Variants in THEMIS observed in about 807,000 individuals in gnomAD.
The protein encoded by THEMIS is protein THEMIS.
THEMIS carries 37 observed loss-of-function variants against 52.6 expected under a neutral mutation model. That is an observed-to-expected ratio of 0.70 (90% CI 0.54 to 0.93). The LOEUF (loss-of-function observed/expected upper bound fraction) is 0.93, where lower values mean the gene tolerates loss of function less well. Ranked by LOEUF, THEMIS falls within the 40% of genes least tolerant of loss-of-function variation. The pLI is 0.00. For synonymous variants in THEMIS, 292 were observed against 272.7 expected (o/e 1.07, Z -0.70); for missense variants, 808 against 763.1 (o/e 1.06, Z -0.69).
chr6:127,886,945 G>C (rs980198508), intron 1 of THEMIS, among the ~76,000 whole-genome samples: 16 of 152,052 alleles, frequency 1.1e-4, no homozygotes, highest in African/African-American at 3.6e-4. Context: ...GAAAAACAGT[G>C]GAGAAAAGTT....
At chr6:127,769,352 G>GTTTTTTTTTTTT (rs200806423) in intron 4 of THEMIS, among the ~76,000 whole-genome samples, 2 of 139,988 alleles carry the variant, frequency 1.4e-5, no homozygotes, top group Non-Finnish European at 3.1e-5. Flanking sequence ...GTTTTTTTTT[G>GTTTTTTTTTTTT]TTTTTTTTTT....
intron 4 of THEMIS, among the ~76,000 whole-genome samples, chr6:127,810,634 A>G (rs1337909110): frequency 6.6e-6 from 1 of 152,184 alleles, no homozygotes; most frequent in African/African-American, 2.4e-5. Flanking sequence ...GCTCTAAAAC[A>G]ATAAATTTCT....
chr6:127,860,119 G>A (rs550142317), intron 1 of THEMIS, among the ~76,000 whole-genome samples: 1 of 152,200 alleles, frequency 6.6e-6, no homozygotes, highest in African/African-American at 2.4e-5. Flanking sequence ...TTCAAAAGAG[G>A]CCATGGTTGC....
chr6:127,752,902 A>G (rs1028143528), intron 4 of THEMIS, among the ~76,000 whole-genome samples: 5 of 151,902 alleles, frequency 3.3e-5, no homozygotes, highest in Non-Finnish European at 7.4e-5. Flanking sequence ...TATACCTGAT[A>G]AGTGTAAAAA....
chr6:127,771,684 T>G (rs1776389721), intron 4 of THEMIS, among the ~76,000 whole-genome samples: 1 of 152,186 alleles, frequency 6.6e-6, no homozygotes, highest in Admixed American at 6.5e-5. Context: ...AGTTGGAAGT[T>G]AGAACTGTGA....
At chr6:127,716,178 A>C (rs1583191882) in intron 5 of THEMIS, among the ~76,000 whole-genome samples, 1 of 151,944 alleles carries the variant, frequency 6.6e-6, no homozygotes, top group African/African-American at 2.4e-5. Context: ...GAAAACATTT[A>C]TGTTTATGTA....
At chr6:127,748,271 G>A (rs1173979626) in intron 4 of THEMIS, among the ~76,000 whole-genome samples, 3 of 152,082 alleles carry the variant, frequency 2.0e-5, no homozygotes, top group Non-Finnish European at 4.4e-5. Flanking sequence ...TGGTTCAGGA[G>A]TCTGGGAAGT....
chr6:127,755,555 T>C (rs2114358368), intron 4 of THEMIS, among the ~76,000 whole-genome samples: 1 of 152,332 alleles, frequency 6.6e-6, no homozygotes, highest in African/African-American at 2.4e-5. Context: ...TAATTCTGTG[T>C]TGTATAAACA....
At chr6:127,703,606 C>G (rs540510090), downstream of THEMIS, among the ~76,000 whole-genome samples, 1 of 152,240 alleles carries the variant, frequency 6.6e-6, no homozygotes, top group Non-Finnish European at 1.5e-5. Flanking sequence ...GGCCCCATAG[C>G]TTAAGTACCT....
chr6:127,900,702 C>G, intron 1 of THEMIS, 140 bp downstream of exon 1: 1 of 700,898 alleles, frequency 1.4e-6, no homozygotes, highest in East Asian at 2.7e-5. Flanking sequence ...ATTCGTTGGT[C>G]AGTTCATTAC....
intron 1 of THEMIS, among the ~76,000 whole-genome samples, chr6:127,912,384 C>G (rs1310956982): frequency 6.6e-6 from 1 of 152,116 alleles, no homozygotes; most frequent in African/African-American, 2.4e-5. Flanking sequence ...AAAATTGTAA[C>G]TGAGACAGTG....
intron 2 of THEMIS, among the ~76,000 whole-genome samples, chr6:127,851,237 A>T (rs988398721): frequency 5.3e-5 from 8 of 151,650 alleles, no homozygotes; most frequent in Non-Finnish European, 8.9e-5. Context: ...ATATATTTTT[A>T]AAAAATGGCA....
At chr6:127,697,057 TAC>T in the THEMIS span, among the ~76,000 whole-genome samples, 1 of 152,066 alleles carries the variant, frequency 6.6e-6, no homozygotes, top group African/African-American at 2.4e-5. Flanking sequence ...AATTTGTGTC[TAC>T]AGCCTAGACC....
chr6:127,755,634 C>T (rs1389548890), intron 4 of THEMIS, among the ~76,000 whole-genome samples: 1 of 152,080 alleles, frequency 6.6e-6, no homozygotes, highest in African/African-American at 2.4e-5. Flanking sequence ...CAATTTTCAA[C>T]CCTAACCCAT....
intron 1 of THEMIS, among the ~76,000 whole-genome samples, chr6:127,907,267 A>C (rs904251792): frequency 1.3e-5 from 2 of 149,102 alleles, no homozygotes; most frequent in East Asian, 3.9e-4. Flanking sequence ...TGAAAGGTTT[A>C]CAGCATTTCT....
downstream of THEMIS, among the ~76,000 whole-genome samples, chr6:127,703,709 C>A (rs1773761145): frequency 6.6e-6 from 1 of 152,068 alleles, no homozygotes; most frequent in Admixed American, 6.5e-5. Flanking sequence ...CTAAACCTTG[C>A]AAAAATACAA....
At chr6:127,856,708 C>A (rs1008561750) in intron 1 of THEMIS, among the ~76,000 whole-genome samples, 1 of 151,994 alleles carries the variant, frequency 6.6e-6, no homozygotes, top group African/African-American at 2.4e-5. Flanking sequence ...CTCTCCTTGT[C>A]TCATACTATT....
intron 2 of THEMIS, among the ~76,000 whole-genome samples, chr6:127,852,311 A>G (rs1488717497): frequency 1.3e-5 from 2 of 151,680 alleles, no homozygotes; most frequent in Non-Finnish European, 3.0e-5. Flanking sequence ...TCAACACTTC[A>G]CTTTCAACAA....
At chr6:127,757,521 C>T (rs979201118) in intron 4 of THEMIS, among the ~76,000 whole-genome samples, 2 of 151,350 alleles carry the variant, frequency 1.3e-5, no homozygotes, top group East Asian at 3.9e-4. Flanking sequence ...CTCGCTTTGT[C>T]GCCCAGGCTG....
Sources: allele counts gnomAD v4.1 joint callset (sites outside exome capture counted in the v4.1 genomes callset), GRCh38; gene constraint gnomAD v4.1.1; transcripts MANE v1.5; gene names NCBI Gene and HGNC (gene_info 2026-07-23, HGNC 2026-07-21).